The following DGKH variants were observed in gnomAD, a reference collection of about 807,000 sequenced individuals.
DGKH encodes the protein diacylglycerol kinase eta.
In DGKH, 90 loss-of-function variants were observed where a neutral mutation model predicts 159.3. The observed-to-expected ratio is 0.57, with a 90% confidence interval of 0.48 to 0.67. The LOEUF (loss-of-function observed/expected upper bound fraction) is 0.67, where lower values mean the gene tolerates loss of function less well. Among genes scored for constraint, DGKH ranks in the 30% least tolerant of loss-of-function variants. DGKH has a pLI of 0.00. For missense variants in DGKH, 1,181 were observed against 1,506.1 expected (o/e 0.78, Z 3.57); for synonymous variants, 536 against 553.8 (o/e 0.97, Z 0.45).
chr13:42,127,334 T>C, intron 1 of DGKH, 129 bp from the exon 2 acceptor site: 1 of 705,084 alleles, frequency 1.4e-6, no homozygotes, highest in African/African-American at 1.8e-5. Context: ...GAGTAAAATA[T>C]TCTCCTGTAA....
At chr13:42,204,391 C>G (rs1957414726) in intron 20 of DGKH, among the ~76,000 whole-genome samples, 1 of 152,166 alleles carries the variant, frequency 6.6e-6, no homozygotes. Flanking sequence ...AAAGCTAAAC[C>G]TGCTAATGGT....
At chr13:42,219,939 A>G (rs1566208133) in intron 28 of DGKH, 145 bp downstream of exon 28, 2 of 646,262 alleles carry the variant, frequency 3.1e-6, no homozygotes, top group East Asian at 2.8e-5. Flanking sequence ...ATTGAATTCT[A>G]TGCTTTAAAA....
At chr13:42,247,229 CTTTTTTTTTTTT>C (rs71096565), downstream of DGKH, among the ~76,000 whole-genome samples, 1 of 101,430 alleles carries the variant, frequency 9.9e-6, no homozygotes, top group Non-Finnish European at 2.1e-5. Context: ...ACTATGTATA[CTTTTTTTTTTTT>C]TTTTTTTTGA....
Position 42,133,170 on chromosome 13 carries a change from C to CAA in DGKH, c.384+3551_384+3552dup, listed in dbSNP as rs34669948. On this transcript the variant is annotated intron_variant, in intron 3 of 29. Transcript: ENST00000337343. ...TGGGTGACAGAGCAAGACTTTGTCT[C>CAA]AAAAAAAAAAAAAATTTTTTTTTTT... Among the ~76,000 whole-genome samples the CAA allele has an allele frequency of 8.7e-4, 124 of 141,800 alleles. 1 individual carries two copies. Among genetic ancestry groups the CAA allele is most frequent in the Admixed American group, 1.2e-3 (17 of 14,164 alleles). 93.0% of individuals were successfully genotyped at this position (141,800 alleles called of 152,430 possible). A position where few individuals can be genotyped will look rare whatever the true frequency, so the allele number is the denominator to read the frequency against.
intron 7 of DGKH, among the ~76,000 whole-genome samples, chr13:42,161,044 C>G (rs1956168046): frequency 6.6e-6 from 1 of 152,182 alleles, no homozygotes; most frequent in Non-Finnish European, 1.5e-5. Context: ...TTGATTGCCT[C>G]TTTTACTAGC....
Position 42,182,704 on chromosome 13 carries a change from G to A in DGKH, c.1539-4345G>A, listed in dbSNP as rs146743642. Among the ~76,000 whole-genome samples the A allele has an allele frequency of 3.4e-3, 512 of 152,254 alleles. 2 individuals are homozygous for A. Among genetic ancestry groups the A allele is most frequent in the Middle Eastern group, 6.8e-3 (2 of 294 alleles). On this transcript the variant is annotated intron_variant, in intron 13 of 29. Transcript: ENST00000337343. ...ATGGTTGGTTGACTCCATGGATGTGGAACCCATGAATATGGAGGGCTAACT... is the reference window on the plus strand; with the variant it reads ...ATGGTTGGTTGACTCCATGGATGTGAAACCCATGAATATGGAGGGCTAACT...
chr13:42,134,314 A>G (rs180707398), intron 3 of DGKH, among the ~76,000 whole-genome samples: 2 of 152,326 alleles, frequency 1.3e-5, no homozygotes, highest in East Asian at 3.9e-4. Flanking sequence ...CAGTCGTGTC[A>G]AAGGATTTGG....
intron 27 of DGKH, 64 bp from the exon 28 acceptor site, chr13:42,219,622 A>G (rs1184424368): frequency 7.3e-7 from 1 of 1,370,102 alleles, no homozygotes; most frequent in South Asian, 1.3e-5. Flanking sequence ...TATCCCTATT[A>G]TCAGAGTAGG....
At chr13:42,072,812 A>G (rs996407780) in intron 1 of DGKH, among the ~76,000 whole-genome samples, 1 of 152,234 alleles carries the variant, frequency 6.6e-6, no homozygotes, top group Non-Finnish European at 1.5e-5. Flanking sequence ...TCACCTTCTC[A>G]GGGCGACCTG....
At chr13:42,053,590 A>C (rs1184850275) in intron 1 of DGKH, among the ~76,000 whole-genome samples, 2 of 74,946 alleles carry the variant, frequency 2.7e-5, no homozygotes, top group Non-Finnish European at 5.1e-5. Flanking sequence ...ATATATAACT[A>C]TATATATGTA....
At chr13:42,112,284 CTTTTTT>C (rs58307947) in intron 1 of DGKH, among the ~76,000 whole-genome samples, 3 of 122,828 alleles carry the variant, frequency 2.4e-5, no homozygotes, top group African/African-American at 9.8e-5. Context: ...AGCCTTGTGG[CTTTTTT>C]TTTTTTTTTT....
chr13:42,129,704 CCT>C, intron 3 of DGKH, 72 bp downstream of exon 3: 1 of 1,368,904 alleles, frequency 7.3e-7, no homozygotes, highest in Middle Eastern at 1.8e-4. Flanking sequence ...TACAGAATGC[CCT>C]GTTCAATTAC....
chr13:42,048,699 C>G lies in DGKH; in HGVS notation c.-75C>G. 2.5e-6 allele frequency: 3 copies of G among 1,215,066 alleles called. No homozygotes were observed. Among genetic ancestry groups the G allele is most frequent in the Non-Finnish European group, 3.1e-6 (3 of 973,246 alleles). The allele number at this position is 1,215,066 out of a possible 1,614,324, so 75.3% of individuals were successfully genotyped here. On this transcript the variant is annotated 5_prime_UTR_variant, in exon 1 of 30. Transcript: ENST00000337343. The surrounding 1 kb of genome is among the most constrained non-coding windows in gnomAD (Gnocchi z 6.7). ...CGGGCACGGGGTTCCGGGCTCCGCT[C>G]GGGCAGAGCCCACCCGCTGACCAAC...
intron 13 of DGKH, chr13:42,181,506 C>T (rs571079684): frequency 3.2e-4 from 66 of 205,240 alleles, no homozygotes; most frequent in African/African-American, 1.4e-3. Context: ...TCAGCACCTC[C>T]TTGGAACCCT....
At chr13:42,042,499 G>A (rs1371170561) in intron 1 of DGKH, among the ~76,000 whole-genome samples, 2 of 152,142 alleles carry the variant, frequency 1.3e-5, no homozygotes, top group African/African-American at 4.8e-5. Flanking sequence ...ACATAAATGT[G>A]TGAATGGACT....
In DGKH at chr13:42,072,189, C is replaced by T. The variant is rs565279911; in HGVS notation, c.192+23224C>T. Among the ~76,000 whole-genome samples, 48 of 152,186 alleles carry T rather than the reference C, an allele frequency of 3.2e-4. No homozygotes were observed. The South Asian group carries it at 5.2e-3, about 16-fold the overall frequency. ...ATATTGAAATGCTGTATGACATAAC[C>T]GCTCTTATCTTTGAGGCAATGCAGT... On this transcript the variant is annotated intron_variant, in intron 1 of 29. Coordinates refer to ENST00000337343, the MANE Select transcript of DGKH (RefSeq NM_178009.5).
chr13:42,255,959 G>A (rs990711564), intron 30 of DGKH: 14 of 1,608,894 alleles, frequency 8.7e-6, no homozygotes, highest in Admixed American at 8.4e-5. Flanking sequence ...TGCTCATGAC[G>A]CTCTGGTTGA....
chr13:42,053,588 CTA>C (rs1243714327), intron 1 of DGKH, among the ~76,000 whole-genome samples: 217 of 73,488 alleles, frequency 3.0e-3, no homozygotes, highest in East Asian at 0.011. Flanking sequence ...ATATATATAA[CTA>C]TATATATGTA....
chr13:42,096,983 T>G (rs1181680908), intron 1 of DGKH, among the ~76,000 whole-genome samples: 1 of 152,194 alleles, frequency 6.6e-6, no homozygotes, highest in Non-Finnish European at 1.5e-5. Context: ...CTCAGACCAT[T>G]GAAGGCATTG....
Sources: allele counts gnomAD v4.1 joint callset (sites outside exome capture counted in the v4.1 genomes callset), GRCh38; gene constraint gnomAD v4.1.1; non-coding constraint Gnocchi (gnomAD v3.1); transcripts MANE v1.5; gene names NCBI Gene and HGNC (gene_info 2026-07-23, HGNC 2026-07-21).